OGG1: variants seen among roughly 807,000 people sequenced by gnomAD.
The protein encoded by OGG1 is 8-oxoguanine DNA glycosylase.
In OGG1, 35 loss-of-function variants were observed where a neutral mutation model predicts 42.3. The observed-to-expected ratio is 0.83, with a 90% CI of 0.63 to 1.10. The LOEUF is 1.10. Among genes scored for constraint, OGG1 ranks in the 50% least tolerant of loss-of-function variants. OGG1 has a pLI of 0.00. For missense variants in OGG1, 484 were observed against 446.7 expected, an observed-to-expected ratio of 1.08 and a Z score of -0.75; for synonymous variants, 189 against 179.0, an observed-to-expected ratio of 1.06 and a Z score of -0.44.
In OGG1 at chr3:9,756,521, C is replaced by T. The variant is rs926807852; in HGVS notation, c.798C>T (p.Pro266=). The change falls in exon 5 of 7, where the codon CCC becomes CCT. Residue 266 remains proline (P), a synonymous_variant. Coordinates refer to ENST00000344629, the MANE Select transcript of OGG1 (RefSeq NM_002542.6). Reference sequence around the variant, plus strand: ...CCCTAGACAAGCCCCAGGCTGTGCCCGTGGATGTCCATATGTGGCACATTG... The same window carrying T: ...CCCTAGACAAGCCCCAGGCTGTGCCTGTGGATGTCCATATGTGGCACATTG... ...LMALDKPQAV[P]VDVHMWHIAQ... The T allele has an allele frequency of 9.9e-6, 16 of 1,613,996 alleles. No individual in the cohort carries two copies. Among genetic ancestry groups the T allele is most frequent in the African/African-American group, 5.3e-5 (4 of 74,908 alleles).
Position 9,751,795 on chromosome 3 carries a change from C to T in OGG1, c.411C>T (p.Pro137=). The change falls in exon 3 of 7, where the codon CCC becomes CCT. Residue 137 remains proline (P), a synonymous_variant. Coordinates refer to ENST00000344629, the MANE Select transcript of OGG1 (RefSeq NM_002542.6). ...GTGTGCGACTGCTGCGACAAGACCC[C>T]ATCGAATGCCTTTTCTCTTTTATCT... ...FQGVRLLRQD[P]IECLFSFICS... is the part of the protein sequence containing the mutation. 1.9e-6 allele frequency: 3 copies of T among 1,614,226 alleles called. No homozygotes were observed. The highest frequency in any genetic ancestry group is 2.2e-5 in the South Asian group (2 of 91,088).
At chr3:9,765,885 G>A in exon 8 of OGG1, 2 of 1,614,028 alleles carry the variant, frequency 1.2e-6, no homozygotes, top group Non-Finnish European at 1.7e-6. Context: ...CTCCGAGAAG[G>A]CCCCCCTATC....
intron 3 of OGG1, chr3:9,785,207 A>C (rs556765626): frequency 3.1e-5 from 24 of 771,492 alleles, no homozygotes; most frequent in African/African-American, 2.2e-4. Flanking sequence ...ATTAGGCTTC[A>C]CCTAACTGCC....
chr3:9,771,183 A>T (rs948017763), downstream of OGG1, among the ~76,000 whole-genome samples: 3 of 151,864 alleles, frequency 2.0e-5, no homozygotes, highest in African/African-American at 7.3e-5. Flanking sequence ...GCGTGCCACC[A>T]CACCTGGCTT....
chr3:9,784,787 C>A (rs1301954219), intron 3 of OGG1, among the ~76,000 whole-genome samples: 1 of 151,688 alleles, frequency 6.6e-6, no homozygotes, highest in Non-Finnish European at 1.5e-5. Context: ...TCGCTTGAAC[C>A]TGGGAGGCGG....
intron 3 of OGG1, among the ~76,000 whole-genome samples, chr3:9,753,659 A>G (rs994971907): frequency 6.6e-6 from 1 of 151,662 alleles, no homozygotes; most frequent in Non-Finnish European, 1.5e-5. Context: ...GTCTCAACAA[A>G]AAAAAAAAGA....
chr3:9,783,981 C>G (rs2078542778), intron 3 of OGG1: 2 of 1,570,734 alleles, frequency 1.3e-6, no homozygotes, highest in African/African-American at 2.7e-5. Flanking sequence ...GCCGTGGCCA[C>G]AGCCTCCAAG....
chr3:9,784,094 C>T (rs868693322), intron 3 of OGG1: 10 of 1,614,154 alleles, frequency 6.2e-6, no homozygotes, highest in Non-Finnish European at 8.5e-6. Flanking sequence ...CTGCCGTTTG[C>T]GAAGCTCAGC....
downstream of OGG1, chr3:9,762,204 C>G (rs551386811): frequency 2.4e-5 from 4 of 163,732 alleles, no homozygotes; most frequent in African/African-American, 7.2e-5. Context: ...TGTCACACCC[C>G]AAGTGCCCTT....
chr3:9,787,911 A>G, exon 4 of OGG1: 1 of 368,446 alleles, frequency 2.7e-6, no homozygotes, highest in Non-Finnish European at 5.3e-6. Context: ...GGGAGAGAAG[A>G]GCTTGCCAGA....
chr3:9,764,026 T>C (rs80189673), intron 7 of OGG1, among the ~76,000 whole-genome samples: 6,064 of 152,210 alleles, frequency 0.04, 425 homozygotes, highest in African/African-American at 0.14. Flanking sequence ...GTTTACATGT[T>C]TGTCAGCCTC....
In OGG1 at chr3:9,756,330, T is replaced by C. The variant is rs576318270; in HGVS notation, c.748-141T>C. On this transcript the variant is annotated intron_variant, in intron 4 of 6. Coordinates refer to ENST00000344629, the MANE Select transcript of OGG1 (RefSeq NM_002542.6). ...AACAAACAAAAAAAAAGTGTATTCA[T>C]AGATAGTATCTGTTGATTGAGAATA... 9.3e-5 allele frequency: 76 copies of C among 819,116 alleles called. No individual in the cohort carries two copies. The African/African-American group carries it at 1.2e-3, about 13-fold the overall frequency. 50.7% of individuals were successfully genotyped at this position (819,116 alleles called of 1,614,324 possible). A position where few individuals can be genotyped will look rare whatever the true frequency, so the allele number is the denominator to read the frequency against.
chr3:9,787,636 C>T (rs1359796125), intron 3 of OGG1: 13 of 1,339,514 alleles, frequency 9.7e-6, no homozygotes, highest in East Asian at 3.5e-5. Context: ...AATTGCCTCT[C>T]GAGAGAATTA....
chr3:9,785,579 T>G (rs1213145926), intron 3 of OGG1, among the ~76,000 whole-genome samples: 1 of 152,194 alleles, frequency 6.6e-6, no homozygotes, highest in African/African-American at 2.4e-5. Context: ...AATCCCAAAT[T>G]GCTTTGATCA....
chr3:9,750,492 G>C lies in OGG1; in HGVS notation c.137+69G>C, dbSNP rs1267585705. 8 of 1,600,038 alleles carry C rather than the reference G, an allele frequency of 5.0e-6. No individual in the cohort carries two copies. In the East Asian group the frequency reaches 1.3e-4, roughly 27 times the overall value. On this transcript the variant is annotated intron_variant, in intron 1 of 6. Coordinates refer to ENST00000344629, the MANE Select transcript of OGG1 (RefSeq NM_002542.6). ...CTGCCGCCTCAACACTGCCTGGCAT[G>C]GGGTACAAAGGAATTTGGGGGATGA...
At chr3:9,759,323 AGT>A (rs1332326534), downstream of OGG1, 2 of 1,578,580 alleles carry the variant, frequency 1.3e-6, no homozygotes, top group African/African-American at 1.3e-5. Context: ...AGGTGTTGGG[AGT>A]GTTTGTTGAA....
At chr3:9,767,855 C>G (rs1023639748), downstream of OGG1, 6 of 1,518,770 alleles carry the variant, frequency 4.0e-6, no homozygotes, top group African/African-American at 1.4e-5. Flanking sequence ...AGGCCCCATT[C>G]AGTCATTCAA....
chr3:9,773,414 G>A (rs1428216041), intron 2 of OGG1, among the ~76,000 whole-genome samples: 1 of 151,800 alleles, frequency 6.6e-6, no homozygotes, highest in East Asian at 1.9e-4. Context: ...GGTGGCGGGC[G>A]CCTGTAGTCC....
downstream of OGG1, chr3:9,790,098 C>G (rs2078698839): frequency 2.6e-6 from 3 of 1,138,354 alleles, no homozygotes; most frequent in Non-Finnish European, 3.6e-6. Flanking sequence ...ACCTAGTAAA[C>G]TCTTACTCAT....
Sources: gnomAD v4.1 joint callset for allele counts (sites outside exome capture counted in the v4.1 genomes callset) on GRCh38, gnomAD v4.1.1 for gene constraint, MANE v1.5 for transcripts, NCBI Gene and HGNC (gene_info 2026-07-23, HGNC 2026-07-21) for gene names.